FTCDNL1: variants seen among roughly 807,000 people sequenced by gnomAD.
FTCDNL1 encodes the protein formiminotransferase N-terminal subdomain-containing protein.
A neutral mutation model predicts 5.9 loss-of-function variants in FTCDNL1; 11 were observed. The observed-to-expected ratio is 1.87, with a 90% CI of 1.18 to 3.10. The LOEUF (loss-of-function observed/expected upper bound fraction) is 3.10. Among genes scored for constraint, FTCDNL1 ranks in the 30% most tolerant of loss-of-function variants. The pLI, the probability that FTCDNL1 is intolerant of heterozygous loss-of-function variation, is 0.00. For missense variants in FTCDNL1, 115 were observed against 65.5 expected (o/e 1.76, Z -2.61); for synonymous variants, 58 against 24.8 (o/e 2.34, Z -3.99).
chr2:199,671,350 G>C, the FTCDNL1 span, among the ~76,000 whole-genome samples: 1 of 151,970 alleles, frequency 6.6e-6, no homozygotes, highest in Admixed American at 6.6e-5. Context: ...GCCACCCCAA[G>C]AAGCATATGC....
chr2:199,671,312 CT>C, the FTCDNL1 span, among the ~76,000 whole-genome samples: 1 of 152,042 alleles, frequency 6.6e-6, no homozygotes, highest in African/African-American at 2.4e-5. Context: ...GTGATCAACT[CT>C]GGTGGCAAAA....
downstream of FTCDNL1, among the ~76,000 whole-genome samples, chr2:199,808,731 T>TAA (rs1370523759): frequency 7.2e-5 from 11 of 152,320 alleles, no homozygotes; most frequent in East Asian, 1.9e-3. Flanking sequence ...TGCTCAAAAC[T>TAA]AAAGCAAAGC....
the FTCDNL1 span, among the ~76,000 whole-genome samples, chr2:199,702,717 T>G: frequency 6.6e-6 from 1 of 152,104 alleles, no homozygotes. Flanking sequence ...CATAAAAACA[T>G]GTATAATATA....
intron 3 of FTCDNL1, among the ~76,000 whole-genome samples, chr2:199,823,872 CA>C (rs1204853433): frequency 6.6e-6 from 1 of 152,214 alleles, no homozygotes; most frequent in Non-Finnish European, 1.5e-5. Context: ...TCTTTGAAGC[CA>C]GGCATTGACT....
At chr2:199,845,494 C>A (rs1471922241) in intron 3 of FTCDNL1, among the ~76,000 whole-genome samples, 31 of 151,940 alleles carry the variant, frequency 2.0e-4, no homozygotes. Flanking sequence ...TTGCTTGAAC[C>A]CCGGAGGCAG....
intron 3 of FTCDNL1, among the ~76,000 whole-genome samples, chr2:199,796,100 T>A (rs1700157666): frequency 6.6e-6 from 1 of 152,298 alleles, no homozygotes; most frequent in South Asian, 2.1e-4. Flanking sequence ...TCTAGAGATA[T>A]ATGTTATTGA....
chr2:199,693,960 C>A, the FTCDNL1 span, among the ~76,000 whole-genome samples: 1 of 152,142 alleles, frequency 6.6e-6, no homozygotes, highest in Non-Finnish European at 1.5e-5. Flanking sequence ...CTCCTCTTAG[C>A]TTCTGAAGTG....
At chr2:199,745,784 T>G in the FTCDNL1 span, among the ~76,000 whole-genome samples, 2 of 152,208 alleles carry the variant, frequency 1.3e-5, no homozygotes, top group East Asian at 3.9e-4. Flanking sequence ...GACAGTGAAA[T>G]GCATATTGCA....
intron 3 of FTCDNL1, among the ~76,000 whole-genome samples, chr2:199,793,833 T>A (rs1309932986): frequency 1.3e-5 from 2 of 152,222 alleles, no homozygotes; most frequent in Non-Finnish European, 2.9e-5. Context: ...TAAACTTTAG[T>A]TTCTTTCCAG....
At chr2:199,683,641 A>T in the FTCDNL1 span, among the ~76,000 whole-genome samples, 8 of 151,508 alleles carry the variant, frequency 5.3e-5, no homozygotes, top group African/African-American at 1.7e-4. Context: ...GACTGCTGTA[A>T]AGATGGAGCA....
chr2:199,796,853 T>C (rs564570048), intron 3 of FTCDNL1, among the ~76,000 whole-genome samples: 13 of 152,288 alleles, frequency 8.5e-5, no homozygotes, highest in Admixed American at 2.6e-4. Context: ...CTTTTAAATA[T>C]GTGTAACCCT....
At chr2:199,745,065 C>T in the FTCDNL1 span, among the ~76,000 whole-genome samples, 1 of 152,356 alleles carries the variant, frequency 6.6e-6, no homozygotes, top group Admixed American at 6.5e-5. Flanking sequence ...TGCCCACCTG[C>T]CTACCTGCCA....
the FTCDNL1 span, among the ~76,000 whole-genome samples, chr2:199,679,136 T>C: frequency 1.1e-4 from 16 of 152,120 alleles, no homozygotes; most frequent in Admixed American, 3.3e-4. Context: ...AAAAATCTAA[T>C]TTTAATTTGG....
chr2:199,819,991 T>G (rs191468223), intron 3 of FTCDNL1, among the ~76,000 whole-genome samples: 1 of 152,326 alleles, frequency 6.6e-6, no homozygotes, highest in African/African-American at 2.4e-5. Flanking sequence ...GAATGAATGC[T>G]CCATTGAAGT....
At chr2:199,771,065 T>G (rs1282764434) in intron 3 of FTCDNL1, among the ~76,000 whole-genome samples, 4 of 152,226 alleles carry the variant, frequency 2.6e-5, no homozygotes, top group African/African-American at 9.6e-5. Flanking sequence ...ATGTTAGGGA[T>G]TCTGAGCATG....
the FTCDNL1 span, among the ~76,000 whole-genome samples, chr2:199,714,341 T>A: frequency 0.78 from 118,435 of 151,026 alleles, 47,907 homozygotes; most frequent in South Asian, 0.93. Flanking sequence ...TAAAAAAAAA[T>A]TATGTCCAAA....
the FTCDNL1 span, among the ~76,000 whole-genome samples, chr2:199,751,807 T>C: frequency 2.8e-3 from 432 of 152,208 alleles, 5 homozygotes; most frequent in African/African-American, 9.8e-3. Flanking sequence ...CTTTTTATTA[T>C]GTAAATTATA....
chr2:199,770,426 G>C (rs889423297), intron 3 of FTCDNL1, among the ~76,000 whole-genome samples: 4 of 152,130 alleles, frequency 2.6e-5, no homozygotes, highest in African/African-American at 4.8e-5. Context: ...GGGGCTCAAA[G>C]CCAGAATATT....
At chr2:199,778,581 T>C (rs974756514) in intron 3 of FTCDNL1, among the ~76,000 whole-genome samples, 1 of 152,180 alleles carries the variant, frequency 6.6e-6, no homozygotes, top group Non-Finnish European at 1.5e-5. Context: ...TCAGCAAGCC[T>C]ATAAATTAAG....
Sources: allele counts gnomAD v4.1 joint callset (sites outside exome capture counted in the v4.1 genomes callset), GRCh38; gene constraint gnomAD v4.1.1; transcripts MANE v1.5; gene names NCBI Gene and HGNC (gene_info 2026-07-23, HGNC 2026-07-21).